LMBR1: variants seen among roughly 807,000 people sequenced by gnomAD.
LMBR1 encodes the protein limb region 1 protein homolog.
A neutral mutation model predicts 73.9 loss-of-function variants in LMBR1; 52 were observed. The ratio of observed to expected loss-of-function variants is 0.70; its 90% CI spans 0.56 to 0.89. LMBR1 has a LOEUF of 0.89. Ranked by LOEUF, LMBR1 falls within the 40% of genes least tolerant of loss-of-function variation. The pLI, the probability that LMBR1 is intolerant of heterozygous loss-of-function variation, is 0.00. For missense variants in LMBR1, 539 were observed against 579.8 expected, an observed-to-expected ratio of 0.93 and a Z score of 0.72; for synonymous variants, 215 against 209.4, an observed-to-expected ratio of 1.03 and a Z score of -0.23.
At chr7:156,790,911 T>C (rs1378620342) in intron 5 of LMBR1, among the ~76,000 whole-genome samples, 1 of 152,190 alleles carries the variant, frequency 6.6e-6, no homozygotes, top group East Asian at 1.9e-4. Flanking sequence ...ACCTTTACAG[T>C]AAAACAATTC....
At chr7:156,689,354 T>C (rs1036565657) in intron 15 of LMBR1, among the ~76,000 whole-genome samples, 1 of 152,266 alleles carries the variant, frequency 6.6e-6, no homozygotes, top group African/African-American at 2.4e-5. Flanking sequence ...TAAAATTATG[T>C]ACCTTGTATT....
rs531690298 is a variant in LMBR1, at chr7:156,730,196, G to A, written c.839-1476C>T. 1.1e-3 allele frequency among the ~76,000 whole-genome samples: 171 copies of A among 152,256 alleles called. 1 individual carries two copies. The highest frequency in any genetic ancestry group is 4.0e-3 in the African/African-American group (167 of 41,554). ...GCTATGATCATACAGAAAAGAAAAG[G>A]GCAAAGAAGTGAACCTGGCAGACAG... On this transcript the variant is annotated intron_variant, in intron 10 of 16. Coordinates refer to ENST00000353442, the MANE Select transcript of LMBR1 (RefSeq NM_022458.4).
intron 5 of LMBR1, among the ~76,000 whole-genome samples, chr7:156,779,005 C>A (rs10274927): frequency 6.6e-6 from 1 of 152,108 alleles, no homozygotes; most frequent in Non-Finnish European, 1.5e-5. Context: ...TATTAAAATG[C>A]GCTTCAAACA....
At chr7:156,810,869 C>T (rs886749007) in intron 4 of LMBR1, among the ~76,000 whole-genome samples, 4 of 151,458 alleles carry the variant, frequency 2.6e-5, no homozygotes, top group African/African-American at 7.3e-5. Context: ...AGTACAGTGG[C>T]GCAATCTTGG....
At chr7:156,758,246 C>T (rs1176275798) in intron 8 of LMBR1, among the ~76,000 whole-genome samples, 1 of 152,214 alleles carries the variant, frequency 6.6e-6, no homozygotes, top group Non-Finnish European at 1.5e-5. Context: ...GGGCCTTGAT[C>T]CAAAGTTCCT....
At chr7:156,734,282 AAGTAAAACAGAACCCCTAACACTAT>A in intron 9 of LMBR1, 25 bp from the exon 10 acceptor site, 1 of 1,526,126 alleles carries the variant, frequency 6.6e-7, no homozygotes, top group Non-Finnish European at 8.9e-7. Flanking sequence ...AAATATTTAG[AAGTAAAACAGAACCCCTAACACTAT>A]AGAACAGGTA....
intron 3 of LMBR1, among the ~76,000 whole-genome samples, chr7:156,828,160 A>G (rs559336846): frequency 6.6e-6 from 1 of 152,304 alleles, no homozygotes; most frequent in East Asian, 1.9e-4. Flanking sequence ...CTATCCCAAG[A>G]TAATTTTCCA....
intron 5 of LMBR1, among the ~76,000 whole-genome samples, chr7:156,768,270 T>A (rs1401914785): frequency 6.6e-6 from 1 of 151,650 alleles, no homozygotes; most frequent in Non-Finnish European, 1.5e-5. Context: ...GGCAGGAGAA[T>A]CGCTTGAACC....
At chr7:156,751,079 C>G (rs1820791732) in intron 9 of LMBR1, among the ~76,000 whole-genome samples, 1 of 152,086 alleles carries the variant, frequency 6.6e-6, no homozygotes, top group South Asian at 2.1e-4. Context: ...CACTGCACTC[C>G]AGCCTGGGTG....
In LMBR1 at chr7:156,677,801, A is replaced by T. The variant is rs549114640; in HGVS notation, c.*6277T>A. On this transcript the variant is annotated 3_prime_UTR_variant, in exon 17 of 17. Coordinates refer to ENST00000353442, the MANE Select transcript of LMBR1 (RefSeq NM_022458.4). ...ATTGGGATGTGCTCATTTTTTAAGG[A>T]TGTATACTATCAAAAAATTTGCAGA... The T allele has an allele frequency of 2.2e-4, 33 of 152,314 alleles. No homozygotes were observed. Among genetic ancestry groups the T allele is most frequent in the African/African-American group, 7.5e-4 (31 of 41,554 alleles). The allele number at this position is 152,314 out of a possible 1,614,324, so 9.4% of individuals were successfully genotyped here.
intron 10 of LMBR1, among the ~76,000 whole-genome samples, chr7:156,733,279 G>A (rs1372902583): frequency 2.0e-5 from 3 of 152,086 alleles, no homozygotes; most frequent in Non-Finnish European, 2.9e-5. Flanking sequence ...AAAGAAGCAC[G>A]AAAATACCAG....
At chr7:156,830,270 C>G (rs1223533142) in intron 3 of LMBR1, among the ~76,000 whole-genome samples, 1 of 151,988 alleles carries the variant, frequency 6.6e-6, no homozygotes, top group African/African-American at 2.4e-5. Context: ...AAATGAAAGA[C>G]CTCACCTTTT....
rs780461631 is a variant in LMBR1 at position 156,879,403 on chromosome 7, G to A, written c.66+13525C>T. ...TAACTGGCCGGGCACGGTGGCTCAC[G>A]CCTGTAATCCCAGCACTTTGGGAGG... On this transcript the variant is annotated intron_variant, in intron 1 of 16. Coordinates refer to ENST00000353442, the MANE Select transcript of LMBR1 (RefSeq NM_022458.4). 5.9e-5 allele frequency among the ~76,000 whole-genome samples: 9 copies of A among 152,198 alleles called. No individual in the cohort carries two copies. The South Asian group carries it at 1.2e-3, about 21-fold the overall frequency.
At chr7:156,856,125 G>A (rs901452504) in intron 1 of LMBR1, among the ~76,000 whole-genome samples, 1 of 152,046 alleles carries the variant, frequency 6.6e-6, no homozygotes, top group Non-Finnish European at 1.5e-5. Flanking sequence ...AACCTGGGAG[G>A]CGGAGCTTGC....
downstream of LMBR1, chr7:156,676,316 G>A (rs757503238): frequency 1.7e-5 from 27 of 1,611,480 alleles, 2 homozygotes; most frequent in South Asian, 6.6e-5. Context: ...CGCATGTTTC[G>A]AAGACCCATG....
chr7:156,726,103 T>C, intron 12 of LMBR1: 1 of 331,212 alleles, frequency 3.0e-6, no homozygotes, highest in Non-Finnish European at 5.5e-6. Context: ...GACATGATTA[T>C]GCTTACTGTT....
chr7:156,893,041 A>C lies in LMBR1; in HGVS notation c.-48T>G, dbSNP rs778961157. ...GCCGCCCGCGTCCGCGTGCTCCGCC[A>C]CACCATCGTCCGCCCGCCGCAGGGG... On this transcript the variant is annotated 5_prime_UTR_variant, in exon 1 of 17. Transcript: ENST00000353442. The C allele has an allele frequency of 9.2e-6, 13 of 1,420,318 alleles. No homozygotes were observed. The highest frequency in any genetic ancestry group is 2.2e-4 in the Middle Eastern group (1 of 4,492). The allele number at this position is 1,420,318 out of a possible 1,614,324, so 88.0% of individuals were successfully genotyped here.
At chr7:156,671,792 C>A (rs761400179) in intron 4 of LMBR1, among the ~76,000 whole-genome samples, 1 of 152,046 alleles carries the variant, frequency 6.6e-6, no homozygotes, top group African/African-American at 2.4e-5. Flanking sequence ...AAACTTAAGT[C>A]GTGTAGAGTA....
At chr7:156,768,602 G>T (rs945048390) in intron 5 of LMBR1, among the ~76,000 whole-genome samples, 2 of 152,150 alleles carry the variant, frequency 1.3e-5, no homozygotes, top group African/African-American at 2.4e-5. Context: ...GGCCTAACTG[G>T]GTGGTTTGGC....
Sources: allele counts gnomAD v4.1 joint callset (sites outside exome capture counted in the v4.1 genomes callset), GRCh38; gene constraint gnomAD v4.1.1; transcripts MANE v1.5; gene names NCBI Gene and HGNC (gene_info 2026-07-23, HGNC 2026-07-21).